Variants in ITPR1 observed in about 807,000 individuals in gnomAD.
The protein encoded by ITPR1 is inositol 1,4,5-trisphosphate-gated calcium channel ITPR1.
ITPR1 carries 96 observed loss-of-function variants against 318.4 expected under a neutral mutation model. The ratio of observed to expected loss-of-function variants is 0.30; its 90% CI spans 0.26 to 0.36. The LOEUF is 0.36. ITPR1 is among the 10% of genes least tolerant of loss of function. The pLI is 1.00. For synonymous variants in ITPR1, 1,312 were observed against 1,289.9 expected (o/e 1.02, Z -0.37); for missense variants, 2,440 against 3,460.2 (o/e 0.71, Z 7.40).
chr3:4,667,308 C>A, intron 17 of ITPR1, 69 bp from the exon 18 acceptor site: 2 of 1,230,410 alleles, frequency 1.6e-6, no homozygotes, highest in South Asian at 1.5e-5. Flanking sequence ...TTGCTGCTTT[C>A]TTTAGTCTAC....
intron 31 of ITPR1, among the ~76,000 whole-genome samples, chr3:4,688,827 G>A (rs891011837): frequency 3.3e-5 from 5 of 152,174 alleles, no homozygotes; most frequent in Non-Finnish European, 7.3e-5. Flanking sequence ...GAGGGGAAAA[G>A]GAGGAAAGTG....
At chr3:4,745,087 C>G (rs568243148) in intron 44 of ITPR1, among the ~76,000 whole-genome samples, 31 of 141,682 alleles carry the variant, frequency 2.2e-4, no homozygotes, top group African/African-American at 8.2e-4. Flanking sequence ...CTTTCTCTCT[C>G]TTTCTCACTG....
At chr3:4,508,372 G>A (rs2081541820) in intron 2 of ITPR1, among the ~76,000 whole-genome samples, 1 of 151,358 alleles carries the variant, frequency 6.6e-6, no homozygotes, top group South Asian at 2.1e-4. Context: ...GTAACTTATT[G>A]GTTAATGAAG....
chr3:4,754,946 T>C (rs2044840278), intron 44 of ITPR1, among the ~76,000 whole-genome samples: 1 of 152,218 alleles, frequency 6.6e-6, no homozygotes, highest in African/African-American at 2.4e-5. Context: ...GTGCCGTGTA[T>C]CCCCACAAAA....
At chr3:4,827,060 A>T (rs561849950) in intron 60 of ITPR1, among the ~76,000 whole-genome samples, 1 of 152,350 alleles carries the variant, frequency 6.6e-6, no homozygotes, top group South Asian at 2.1e-4. Flanking sequence ...ACGATGTATG[A>T]GTTTGTACAT....
intron 33 of ITPR1, among the ~76,000 whole-genome samples, chr3:4,695,000 C>G (rs1032657979): frequency 1.3e-5 from 2 of 152,206 alleles, no homozygotes; most frequent in Admixed American, 6.5e-5. Flanking sequence ...AGATGATACT[C>G]TAGGTATACT....
At chr3:4,809,450 G>A (rs898511445) in intron 55 of ITPR1, among the ~76,000 whole-genome samples, 3 of 152,174 alleles carry the variant, frequency 2.0e-5, no homozygotes, top group Non-Finnish European at 4.4e-5. Flanking sequence ...TGATGGCTTG[G>A]TGAAAGGCTG....
intron 4 of ITPR1, among the ~76,000 whole-genome samples, chr3:4,620,850 A>G (rs2092602068): frequency 6.6e-6 from 1 of 152,088 alleles, no homozygotes; most frequent in African/African-American, 2.4e-5. Context: ...ATGTATAGCT[A>G]CAGTGGATTT....
chr3:4,653,464 A>G (rs1479300836), intron 11 of ITPR1, among the ~76,000 whole-genome samples: 2 of 152,230 alleles, frequency 1.3e-5, no homozygotes, highest in South Asian at 2.1e-4. Flanking sequence ...TGGTGGCATT[A>G]TCTGTCATGT....
At chr3:4,551,920 T>G (rs991493097) in intron 4 of ITPR1, among the ~76,000 whole-genome samples, 5 of 152,256 alleles carry the variant, frequency 3.3e-5, no homozygotes, top group Non-Finnish European at 5.9e-5. Flanking sequence ...AAAGATAATT[T>G]GATTGACTCT....
At chr3:4,607,649 G>A (rs1369238972) in intron 4 of ITPR1, among the ~76,000 whole-genome samples, 1 of 152,092 alleles carries the variant, frequency 6.6e-6, no homozygotes, top group South Asian at 2.1e-4. Flanking sequence ...GGAAAGGTGG[G>A]GGTGGCAGGC....
chr3:4,768,926 T>C lies in ITPR1; in HGVS notation c.5979+162T>C, dbSNP rs2046002803. 3.3e-5 allele frequency among the ~76,000 whole-genome samples: 5 copies of C among 151,592 alleles called. No homozygotes were observed. The South Asian group carries it at 8.3e-4, about 25-fold the overall frequency. ...TTTCTTTTTTCTTTTTTCTTTTTTTTTGAGATGGAGTCTCGCTCTGTCACC... is the reference window on the plus strand; with the variant it reads ...TTTCTTTTTTCTTTTTTCTTTTTTTCTGAGATGGAGTCTCGCTCTGTCACC... On this transcript the variant is annotated intron_variant, in intron 46 of 61. Transcript: ENST00000649015.
At chr3:4,722,852 C>G (rs76641417) in intron 40 of ITPR1, among the ~76,000 whole-genome samples, 6,859 of 152,206 alleles carry the variant, frequency 0.045, 208 homozygotes, top group Non-Finnish European at 0.067. Context: ...AGAAGGAATC[C>G]TAAAGAATAT....
intron 42 of ITPR1, 22 bp downstream of exon 42, chr3:4,727,195 G>A (rs768987429): frequency 8.3e-6 from 13 of 1,563,050 alleles, no homozygotes; most frequent in African/African-American, 1.4e-5. Context: ...TGAGTCTTGG[G>A]TATCGGGAGC....
chr3:4,783,474 C>T, intron 50 of ITPR1, among the ~76,000 whole-genome samples: 1 of 151,626 alleles, frequency 6.6e-6, no homozygotes, highest in East Asian at 2.0e-4. Flanking sequence ...GCCTCTTTTC[C>T]CTTCCATGAC....
At chr3:4,721,172 G>GTGTATATATATATATATATATATATA (rs1356149562) in intron 40 of ITPR1, among the ~76,000 whole-genome samples, 5 of 125,064 alleles carry the variant, frequency 4.0e-5, no homozygotes, top group African/African-American at 1.8e-4. Flanking sequence ...GTGTGTGCGT[G>GTGTATATATATATATATATATATATA]TATATATATA....
intron 4 of ITPR1, among the ~76,000 whole-genome samples, chr3:4,604,732 G>T (rs900351461): frequency 6.6e-5 from 10 of 152,208 alleles, no homozygotes; most frequent in African/African-American, 2.2e-4. Context: ...AGTAGTTGGG[G>T]AGGACCTGTG....
chr3:4,783,184 G>A (rs1466844136), intron 50 of ITPR1, among the ~76,000 whole-genome samples: 1 of 152,176 alleles, frequency 6.6e-6, no homozygotes, highest in Non-Finnish European at 1.5e-5. Context: ...TGGGGATACG[G>A]CAATACTTTA....
At chr3:4,836,735 C>CTTTTTT (rs201029025) in intron 60 of ITPR1, 39 bp from the exon 61 acceptor site, 11 of 1,070,426 alleles carry the variant, frequency 1.0e-5, no homozygotes, top group Admixed American at 4.7e-5. Flanking sequence ...GTGACTCAGT[C>CTTTTTT]TTTTTTTTTT....
Sources: allele counts gnomAD v4.1 joint callset (sites outside exome capture counted in the v4.1 genomes callset), GRCh38; gene constraint gnomAD v4.1.1; transcripts MANE v1.5; gene names NCBI Gene and HGNC (gene_info 2026-07-23, HGNC 2026-07-21).